The following STPG4 variants were observed in gnomAD, a reference collection of about 807,000 sequenced individuals.
STPG4 encodes the protein sperm-tail PG-rich repeat containing 4, also known as protein STPG4.
In STPG4, 41 loss-of-function variants were observed where a neutral mutation model predicts 31.5. The ratio of observed to expected loss-of-function variants is 1.30; its 90% CI spans 1.01 to 1.69. STPG4 has a LOEUF of 1.69. Among genes scored for constraint, STPG4 ranks in the 40% most tolerant of loss-of-function variants. STPG4 has a pLI of 0.00. For missense variants in STPG4, 375 were observed against 293.4 expected (o/e 1.28, Z -2.03); for synonymous variants, 141 against 103.0 (o/e 1.37, Z -2.24).
At chr2:47,107,087 A>G (rs1312540064) in intron 5 of STPG4, among the ~76,000 whole-genome samples, 1 of 151,908 alleles carries the variant, frequency 6.6e-6, no homozygotes, top group Admixed American at 6.6e-5. Context: ...TGTCCTGTTT[A>G]GAGGGGGGAT....
chr2:47,125,871 T>C (rs1030837402), intron 5 of STPG4, among the ~76,000 whole-genome samples: 69 of 152,322 alleles, frequency 4.5e-4, no homozygotes, highest in African/African-American at 1.6e-3. Context: ...ATTTAAGTCT[T>C]TAATCCATTT....
At chr2:47,114,307 C>T (rs571413379) in intron 5 of STPG4, among the ~76,000 whole-genome samples, 3 of 151,984 alleles carry the variant, frequency 2.0e-5, no homozygotes, top group Non-Finnish European at 2.9e-5. Flanking sequence ...GAGTTCGAGA[C>T]CAGCCTGGCC....
chr2:47,136,398 T>G (rs1225439696), intron 3 of STPG4, among the ~76,000 whole-genome samples: 1 of 152,206 alleles, frequency 6.6e-6, no homozygotes, highest in Non-Finnish European at 1.5e-5. Context: ...TGCACCCGCT[T>G]TGGCCTCCCA....
chr2:47,137,281 A>T (rs149147434), intron 3 of STPG4, among the ~76,000 whole-genome samples: 7 of 152,300 alleles, frequency 4.6e-5, no homozygotes, highest in African/African-American at 7.2e-5. Flanking sequence ...GTGATAGATT[A>T]TTTGATTTTT....
intron 5 of STPG4, among the ~76,000 whole-genome samples, chr2:47,123,800 T>C (rs1038322295): frequency 5.3e-5 from 8 of 152,158 alleles, no homozygotes; most frequent in Admixed American, 1.3e-4. Flanking sequence ...ATATTTTATT[T>C]TGAAAAATGT....
At chr2:47,141,485 G>A (rs1461971452) in intron 3 of STPG4, among the ~76,000 whole-genome samples, 1 of 151,168 alleles carries the variant, frequency 6.6e-6, no homozygotes, top group African/African-American at 2.4e-5. Context: ...ACTTTTGTTT[G>A]CCACACTCTT....
rs559772607 is a variant in STPG4, at chr2:47,103,232, G to A, written c.520-12858C>T. On this transcript the variant is annotated intron_variant, in intron 5 of 6. Coordinates refer to ENST00000445927, the MANE Select transcript of STPG4 (RefSeq NM_001163561.2). ...CATGAATTATTCAATGATGTCCACCGTAACTCAGGGAAAGGAGGAAAATCC... is the reference window on the plus strand; with the variant it reads ...CATGAATTATTCAATGATGTCCACCATAACTCAGGGAAAGGAGGAAAATCC... Among the ~76,000 whole-genome samples, 9 of 151,838 alleles carry A rather than the reference G, an allele frequency of 5.9e-5. 1 individual carries two copies. The highest frequency in any genetic ancestry group is 1.2e-4 in the Non-Finnish European group (8 of 68,028).
intron 3 of STPG4, among the ~76,000 whole-genome samples, chr2:47,142,697 T>C (rs556717156): frequency 6.6e-6 from 1 of 152,128 alleles, no homozygotes; most frequent in Non-Finnish European, 1.5e-5. Flanking sequence ...AAGTATGCAT[T>C]TAACATCACA....
Position 47,090,320 on chromosome 2 carries a change from C to G in STPG4, c.574G>C (p.Val192Leu), listed in dbSNP as rs972805826. The part of the protein sequence containing the change: ...YNVKMPPTSS[V>L]TSCFQSRVPR... ...ACTCTGGATTGAAAACAAGAAGTGA[C>G]AGAGCTTGTTGGAGGCATTTTCACA... The change falls in exon 6 of 7, where the codon GTC (valine) becomes CTC (leucine). Residue 192 changes from valine (V) to leucine (L), a missense_variant. Coordinates refer to ENST00000445927, the MANE Select transcript of STPG4 (RefSeq NM_001163561.2). The G allele has an allele frequency of 1.7e-5, 27 of 1,551,880 alleles. No homozygotes were observed. The highest frequency in any genetic ancestry group is 3.9e-5 in the Admixed American group (2 of 50,988).
chr2:47,108,388 CG>C (rs375339083), intron 5 of STPG4: 10 of 153,392 alleles, frequency 6.5e-5, no homozygotes, highest in African/African-American at 2.4e-4. Context: ...TAACACTCAC[CG>C]CGAAGGTATG....
At chr2:47,113,436 G>A (rs1035979865) in intron 5 of STPG4, among the ~76,000 whole-genome samples, 4 of 152,066 alleles carry the variant, frequency 2.6e-5, no homozygotes, top group African/African-American at 9.7e-5. Flanking sequence ...TGTACAGGAA[G>A]GGCCACAAGT....
rs561969701 is a variant in STPG4 at position 47,106,927 on chromosome 2, C to T, written c.520-16553G>A. ...AATGAGTTAAACTAACAACTTCTAC[C>T]GAGGACCCCTGGACCGACCCACTGG... On this transcript the variant is annotated intron_variant, in intron 5 of 6. Transcript: ENST00000445927. Among the ~76,000 whole-genome samples, 6 of 152,062 alleles carry T rather than the reference C, an allele frequency of 3.9e-5. No individual in the cohort carries two copies. In the South Asian group the frequency reaches 8.3e-4, roughly 21 times the overall value.
At chr2:47,140,439 T>G (rs1315941732) in intron 3 of STPG4, among the ~76,000 whole-genome samples, 1 of 152,216 alleles carries the variant, frequency 6.6e-6, no homozygotes, top group African/African-American at 2.4e-5. Context: ...TAGGTCCTCC[T>G]GGAGCTTTTA....
At chr2:47,152,593 C>T (rs1234344424) in intron 2 of STPG4, among the ~76,000 whole-genome samples, 1 of 152,162 alleles carries the variant, frequency 6.6e-6, no homozygotes. Flanking sequence ...GAACCATTTG[C>T]AGAAGGTCTT....
intron 5 of STPG4, among the ~76,000 whole-genome samples, chr2:47,093,285 G>A (rs1573144907): frequency 1.3e-5 from 2 of 152,202 alleles, no homozygotes; most frequent in African/African-American, 2.4e-5. Flanking sequence ...AAACAGTCAT[G>A]TTTTCAAACT....
chr2:47,108,544 G>A (rs985304431), intron 5 of STPG4: 27 of 172,876 alleles, frequency 1.6e-4, no homozygotes, highest in Non-Finnish European at 4.7e-5. Flanking sequence ...CTTCATTCTT[G>A]AAGTCAGTGA....
At chr2:47,106,134 A>G (rs1334408344) in intron 5 of STPG4, among the ~76,000 whole-genome samples, 3 of 151,966 alleles carry the variant, frequency 2.0e-5, no homozygotes, top group Non-Finnish European at 4.4e-5. Flanking sequence ...AGTCAAAGAG[A>G]AAAAAAGAGA....
chr2:47,114,274 G>T (rs1413099837), intron 5 of STPG4, among the ~76,000 whole-genome samples: 2 of 152,024 alleles, frequency 1.3e-5, no homozygotes, highest in African/African-American at 4.8e-5. Flanking sequence ...GAAGTCTGAG[G>T]TGGGCAGATC....
chr2:47,089,372 T>C (rs1476723079), intron 6 of STPG4, among the ~76,000 whole-genome samples: 1 of 152,168 alleles, frequency 6.6e-6, no homozygotes, highest in African/African-American at 2.4e-5. Context: ...GGGGCAGAGA[T>C]TCTGCAGGCC....
Sources: allele counts gnomAD v4.1 joint callset (sites outside exome capture counted in the v4.1 genomes callset), GRCh38; gene constraint gnomAD v4.1.1; transcripts MANE v1.5; gene names NCBI Gene and HGNC (gene_info 2026-07-23, HGNC 2026-07-21).